The following MSRA variants were observed in gnomAD, a reference collection of about 807,000 sequenced individuals.
MSRA encodes mitochondrial peptide methionine sulfoxide reductase.
A neutral mutation model predicts 31.3 loss-of-function variants in MSRA; 54 were observed. The ratio of observed to expected loss-of-function variants is 1.73; its 90% CI spans 1.39 to 2.17. MSRA has a LOEUF of 2.17. Among genes scored for constraint, MSRA ranks in the 30% most tolerant of loss-of-function variants. The pLI, the probability that MSRA is intolerant of heterozygous loss-of-function variation, is 0.00. For synonymous variants in MSRA, 169 were observed against 116.5 expected (o/e 1.45, Z -2.90); for missense variants, 507 against 300.9 (o/e 1.69, Z -5.07).
At chr8:10,248,097 CA>C (rs879492890) in intron 3 of MSRA, among the ~76,000 whole-genome samples, 2 of 152,114 alleles carry the variant, frequency 1.3e-5, no homozygotes, top group Non-Finnish European at 2.9e-5. Flanking sequence ...AACAAACAAA[CA>C]AACAAAAACC....
intron 5 of MSRA, among the ~76,000 whole-genome samples, chr8:10,334,836 T>C (rs1802925801): frequency 6.6e-6 from 1 of 152,238 alleles, no homozygotes; most frequent in Admixed American, 6.5e-5. Context: ...TGGGACCATT[T>C]AACTCCAGCG....
chr8:10,307,492 A>C (rs1391976404), intron 4 of MSRA, among the ~76,000 whole-genome samples: 1 of 152,198 alleles, frequency 6.6e-6, no homozygotes, highest in African/African-American at 2.4e-5. Context: ...TGGATCCTCC[A>C]GTGATAACAA....
At chr8:10,354,750 G>GTATATATATATATATATATA (rs754778002) in intron 5 of MSRA, among the ~76,000 whole-genome samples, 3 of 138,398 alleles carry the variant, frequency 2.2e-5, no homozygotes, top group Admixed American at 7.1e-5. Flanking sequence ...GTGTGTGTGT[G>GTATATATATATATATATATA]TATATATATA....
At chr8:10,108,701 G>T (rs922952870) in intron 1 of MSRA, among the ~76,000 whole-genome samples, 2 of 152,188 alleles carry the variant, frequency 1.3e-5, no homozygotes, top group African/African-American at 2.4e-5. Context: ...TCCTCACGAG[G>T]GGGTGTGATG....
At chr8:10,358,693 C>A (rs1014971305) in intron 5 of MSRA, among the ~76,000 whole-genome samples, 1 of 141,378 alleles carries the variant, frequency 7.1e-6, no homozygotes, top group African/African-American at 2.7e-5. Context: ...CCCGGGTTCA[C>A]GCCATTCTCC....
intron 5 of MSRA, among the ~76,000 whole-genome samples, chr8:10,379,852 G>A (rs1369310862): frequency 1.3e-5 from 2 of 152,134 alleles, no homozygotes; most frequent in African/African-American, 2.4e-5. Context: ...GATAAAATTC[G>A]AACTTCATGA....
chr8:10,230,007 A>C (rs1345100408), intron 2 of MSRA, among the ~76,000 whole-genome samples: 1 of 152,210 alleles, frequency 6.6e-6, no homozygotes, highest in Non-Finnish European at 1.5e-5. Context: ...TATGAACTAC[A>C]CTACATTGAT....
intron 3 of MSRA, among the ~76,000 whole-genome samples, chr8:10,258,964 G>T (rs761423290): frequency 1.3e-5 from 2 of 152,082 alleles, no homozygotes; most frequent in Admixed American, 6.5e-5. Flanking sequence ...AAAACTAGCC[G>T]GGTGTGGTGG....
intron 3 of MSRA, among the ~76,000 whole-genome samples, chr8:10,270,653 G>A (rs959610114): frequency 3.9e-5 from 6 of 152,152 alleles, no homozygotes; most frequent in Admixed American, 2.0e-4. Context: ...AAGGAGAGGG[G>A]AATTAAGTGT....
intron 1 of MSRA, among the ~76,000 whole-genome samples, chr8:10,069,961 G>A (rs1170007028): frequency 6.6e-6 from 1 of 152,180 alleles, no homozygotes; most frequent in Non-Finnish European, 1.5e-5. Flanking sequence ...ATATTGATAT[G>A]TTTGTTAATC....
At chr8:10,208,273 CTTA>C (rs1019223197) in intron 2 of MSRA, among the ~76,000 whole-genome samples, 16 of 151,542 alleles carry the variant, frequency 1.1e-4, no homozygotes, top group African/African-American at 3.6e-4. Flanking sequence ...GTAGTTTTGA[CTTA>C]TTATTACACA....
intron 3 of MSRA, among the ~76,000 whole-genome samples, chr8:10,247,362 C>G (rs1481380086): frequency 1.3e-5 from 2 of 152,160 alleles, no homozygotes; most frequent in Non-Finnish European, 2.9e-5. Context: ...GTGTAAGTCT[C>G]CCAGCTGTCA....
chr8:10,148,801 CAA>C (rs372289649), intron 1 of MSRA, among the ~76,000 whole-genome samples: 33,012 of 88,556 alleles, frequency 0.37, 3,806 homozygotes, highest in East Asian at 0.6. Flanking sequence ...GACCCTGTCG[CAA>C]AAAAAAAAAA....
Position 10,174,342 on chromosome 8 carries a change from C to T in MSRA, c.143-33491C>T, listed in dbSNP as rs550104641. On this transcript the variant is annotated intron_variant, in intron 1 of 5. Coordinates refer to ENST00000317173, the MANE Select transcript of MSRA (RefSeq NM_012331.5). ...GCCGAGCAGATGGCGTGCAGGTGAG[C>T]GAAGGCATGGCTAGGGGTGGACTCG... Among the ~76,000 whole-genome samples the T allele has an allele frequency of 6.6e-4, 101 of 152,120 alleles. 1 individual carries two copies. Among genetic ancestry groups the T allele is most frequent in the African/African-American group, 2.1e-3 (87 of 41,478 alleles).
intron 1 of MSRA, among the ~76,000 whole-genome samples, chr8:10,086,933 A>G (rs1798589870): frequency 6.6e-6 from 1 of 151,540 alleles, no homozygotes; most frequent in Non-Finnish European, 1.5e-5. Context: ...GAGAATGAGA[A>G]TGAGAATGGA....
intron 1 of MSRA, among the ~76,000 whole-genome samples, chr8:10,152,396 G>C (rs1220538015): frequency 1.3e-5 from 2 of 152,096 alleles, no homozygotes; most frequent in African/African-American, 4.8e-5. Context: ...TTTTAAGACC[G>C]AGAGCCAGTG....
At chr8:10,315,842 C>T (rs1258345821) in intron 4 of MSRA, among the ~76,000 whole-genome samples, 1 of 152,202 alleles carries the variant, frequency 6.6e-6, no homozygotes, top group Non-Finnish European at 1.5e-5. Context: ...TCCCAAAAGA[C>T]ATTCTAGGAC....
intron 1 of MSRA, among the ~76,000 whole-genome samples, chr8:10,144,398 A>T (rs1451715957): frequency 6.6e-6 from 1 of 152,182 alleles, no homozygotes; most frequent in Non-Finnish European, 1.5e-5. Context: ...GCGTAATAGT[A>T]GTACCTACCT....
intron 2 of MSRA, among the ~76,000 whole-genome samples, chr8:10,218,551 T>G (rs1810208357): frequency 6.6e-6 from 1 of 152,244 alleles, no homozygotes; most frequent in Non-Finnish European, 1.5e-5. Flanking sequence ...ATTTTTTAAA[T>G]TTGTGAGCTG....
Sources: allele counts gnomAD v4.1 joint callset (sites outside exome capture counted in the v4.1 genomes callset), GRCh38; gene constraint gnomAD v4.1.1; transcripts MANE v1.5; gene names NCBI Gene and HGNC (gene_info 2026-07-23, HGNC 2026-07-21).